Variants in ANAPC7 observed in about 807,000 individuals in gnomAD.
ANAPC7 encodes the protein anaphase-promoting complex subunit 7.
ANAPC7 carries 25 observed loss-of-function variants against 63.3 expected under a neutral mutation model. That is an observed-to-expected ratio of 0.39 (90% confidence interval 0.29 to 0.55). The LOEUF is 0.55. ANAPC7 is among the 20% of genes least tolerant of loss of function. The pLI is 0.57. For missense variants in ANAPC7, 516 were observed against 691.7 expected, an observed-to-expected ratio of 0.75 and a Z score of 2.85; for synonymous variants, 241 against 251.7, an observed-to-expected ratio of 0.96 and a Z score of 0.40.
At chr12:110,387,515 C>A (rs1468973837) in intron 5 of ANAPC7, 5 of 418,124 alleles carry the variant, frequency 1.2e-5, no homozygotes, top group Middle Eastern at 6.8e-4. Flanking sequence ...CCTGTGCAGG[C>A]ACAGAGCTAA....
chr12:110,375,670 C>T (rs1881198919), intron 10 of ANAPC7: 1 of 931,022 alleles, frequency 1.1e-6, no homozygotes, highest in Non-Finnish European at 1.3e-6. Flanking sequence ...AAACTTCAGA[C>T]CTCAAGTTCT....
intron 1 of ANAPC7, among the ~76,000 whole-genome samples, chr12:110,398,072 C>A (rs1421014779): frequency 1.3e-5 from 2 of 151,672 alleles, no homozygotes; most frequent in African/African-American, 2.4e-5. Context: ...AAGGTGAAAC[C>A]CCGTCTCTAG....
intron 7 of ANAPC7, among the ~76,000 whole-genome samples, chr12:110,382,457 A>ATATATACATATATATATAT (rs1251192302): frequency 2.5e-4 from 16 of 65,230 alleles, no homozygotes; most frequent in African/African-American, 1.0e-3. Flanking sequence ...AAAAAAAAAA[A>ATATATACATATATATATAT]AAAAATATAT....
chr12:110,396,207 A>C, intron 2 of ANAPC7, 59 bp downstream of exon 2: 2 of 1,510,124 alleles, frequency 1.3e-6, no homozygotes, highest in Non-Finnish European at 1.8e-6. Context: ...CCCTGTTCTA[A>C]ATTCTTGGAG....
chr12:110,378,772 C>T (rs1275290120), intron 8 of ANAPC7: 1 of 152,298 alleles, frequency 6.6e-6, no homozygotes, highest in East Asian at 1.9e-4. Flanking sequence ...TCTCTGCATA[C>T]TCCTCCACCC....
chr12:110,377,143 A>C (rs1311614856), intron 9 of ANAPC7, among the ~76,000 whole-genome samples: 1 of 151,042 alleles, frequency 6.6e-6, no homozygotes, highest in Non-Finnish European at 1.5e-5. Context: ...TCTCAAAAAA[A>C]AAAAAAAAAA....
chr12:110,380,721 G>A (rs1417652707), intron 8 of ANAPC7, among the ~76,000 whole-genome samples: 11 of 150,194 alleles, frequency 7.3e-5, no homozygotes, highest in African/African-American at 2.4e-4. Flanking sequence ...TTGGGAGGCC[G>A]AGGCGGGCGG....
At chr12:110,397,885 A>G (rs375619361) in intron 1 of ANAPC7, among the ~76,000 whole-genome samples, 3 of 150,308 alleles carry the variant, frequency 2.0e-5, no homozygotes, top group African/African-American at 7.4e-5. Context: ...ACAAGAGTGA[A>G]ACTCTGTCTT....
intron 3 of ANAPC7, among the ~76,000 whole-genome samples, chr12:110,393,775 G>A (rs903296690): frequency 2.6e-5 from 4 of 150,988 alleles, no homozygotes. Context: ...ACTGAGGCAG[G>A]AGAACTGCTT....
At position 110,373,708 on chromosome 12, in the gene ANAPC7, G is replaced by C. The variant is rs1881008930; in HGVS notation, c.*436C>G. ...GATAGCCCAGGACAATGACTTCTGG[G>C]AACAGGAAGCTCCCTAGGGCCAGAT... On this transcript the variant is annotated 3_prime_UTR_variant, in exon 11 of 11. Transcript: ENST00000455511. The C allele has an allele frequency of 6.4e-6, 1 of 157,056 alleles. No individual in the cohort carries two copies. The highest frequency in any genetic ancestry group is 2.0e-4 in the South Asian group (1 of 4,934). 9.7% of individuals were successfully genotyped at this position (157,056 alleles called of 1,614,324 possible). A position where few individuals can be genotyped will look rare whatever the true frequency, so the allele number is the denominator to read the frequency against.
intron 3 of ANAPC7, among the ~76,000 whole-genome samples, chr12:110,391,420 C>T (rs1322539934): frequency 6.6e-6 from 1 of 152,064 alleles, no homozygotes; most frequent in Non-Finnish European, 1.5e-5. Context: ...CGATGTTTAC[C>T]ATATATTAAC....
rs1400572228 is a variant in ANAPC7 at position 110,403,552 on chromosome 12, A to G, written c.76T>C (p.Leu26=). ...HSNVRLLSSL[L]LTMSNNNPEL... Reference sequence around the variant, plus strand: ...GGGTTGTTATTACTCATTGTAAGTAACAAGCTGCTGAGGAGCCGCACGTTG... The same window carrying G: ...GGGTTGTTATTACTCATTGTAAGTAGCAAGCTGCTGAGGAGCCGCACGTTG... The change falls in exon 1 of 11, where the codon TTA becomes CTA. Residue 26 remains leucine (L), a synonymous_variant. Transcript: ENST00000455511. 6.2e-7 allele frequency: 1 copy of G among 1,606,488 alleles called. No individual in the cohort carries two copies. The highest frequency in any genetic ancestry group is 8.5e-7 in the Non-Finnish European group (1 of 1,177,120).
chr12:110,381,699 G>A, intron 8 of ANAPC7, 53 bp downstream of exon 8: 1 of 1,563,486 alleles, frequency 6.4e-7, no homozygotes, highest in South Asian at 1.1e-5. Context: ...TCCATCTGAG[G>A]GCTGCTGCCA....
intron 3 of ANAPC7, among the ~76,000 whole-genome samples, chr12:110,393,171 T>C (rs1883251157): frequency 6.6e-6 from 1 of 152,126 alleles, no homozygotes; most frequent in African/African-American, 2.4e-5. Context: ...CAAAGACATA[T>C]TCTACACATA....
rs1361482416 is a variant in ANAPC7 at position 110,386,654 on chromosome 12, A to G, written c.675-185T>C. 3 of 543,268 alleles carry G rather than the reference A, an allele frequency of 5.5e-6. No homozygotes were observed. In the African/African-American group the frequency reaches 5.8e-5, roughly 10 times the overall value. 33.7% of individuals were successfully genotyped at this position (543,268 alleles called of 1,614,324 possible). ...ATAGGACAGGATAGCAAAAACAAAGAATAAAGCAGAAGTCTCTCAGTACCA... is the reference window on the plus strand; with the variant it reads ...ATAGGACAGGATAGCAAAAACAAAGGATAAAGCAGAAGTCTCTCAGTACCA... On this transcript the variant is annotated intron_variant, in intron 5 of 10. Coordinates refer to ENST00000455511, the MANE Select transcript of ANAPC7 (RefSeq NM_016238.3).
intron 1 of ANAPC7, among the ~76,000 whole-genome samples, chr12:110,401,607 G>C (rs932263982): frequency 1.3e-5 from 2 of 152,118 alleles, no homozygotes; most frequent in Non-Finnish European, 2.9e-5. Flanking sequence ...ATAACACAAA[G>C]AGGCCAGAAG....
rs554334206 is a variant in ANAPC7, at chr12:110,396,288, G to A, written c.266C>T (p.Ser89Phe). 3 of 1,611,692 alleles carry A rather than the reference G, an allele frequency of 1.9e-6. No individual in the cohort carries two copies. Among genetic ancestry groups the A allele is most frequent in the Non-Finnish European group, 2.5e-6 (3 of 1,179,318 alleles). The change falls in exon 2 of 11, where the codon TCT becomes TTT. Residue 89 changes from serine (S) to phenylalanine (F), a missense_variant. Ser to Phe is a radical substitution (Grantham distance 155). Around this residue, in one of 4 missense-constraint regions of ANAPC7, gnomAD observed 185 missense variants for 200.3 expected, o/e 0.92. Coordinates refer to ENST00000455511, the MANE Select transcript of ANAPC7 (RefSeq NM_016238.3). ...TACCTGACTTTGTGGAGTAGATGCA[G>A]AATTTCCAGTTGAAGGTCTCACTTT... ...TSKVRPSTGN[S>F]ASTPQSQCLP... is the part of the protein sequence containing the mutation.
chr12:110,379,741 CACTCCTAG>C (rs1000425789), intron 8 of ANAPC7, among the ~76,000 whole-genome samples: 20 of 152,184 alleles, frequency 1.3e-4, no homozygotes, highest in Non-Finnish European at 2.5e-4. Flanking sequence ...AAGAGCAAAT[CACTCCTAG>C]ACTCCTAGGT....
At chr12:110,387,295 G>GAGAGAC (rs1882613984) in intron 5 of ANAPC7, 4 of 132,570 alleles carry the variant, frequency 3.0e-5, no homozygotes, top group South Asian at 2.5e-4. Context: ...GACAGAGAGA[G>GAGAGAC]AGAGAGAGAG....
Sources: gnomAD v4.1 joint callset for allele counts (sites outside exome capture counted in the v4.1 genomes callset) on GRCh38, gnomAD v4.1.1 for gene constraint, gnomAD v4.1.1 regional missense constraint, MANE v1.5 for transcripts, NCBI Gene and HGNC (gene_info 2026-07-23, HGNC 2026-07-21) for gene names.